Variants in FHIT observed in about 807,000 individuals in gnomAD.
FHIT encodes the protein fragile histidine triad diadenosine triphosphatase.
FHIT carries 19 observed loss-of-function variants against 17.9 expected under a neutral mutation model. The observed-to-expected ratio is 1.06, with a 90% confidence interval of 0.74 to 1.56. The LOEUF is 1.56. Ranked by LOEUF, FHIT falls within the 40% of genes most tolerant of loss-of-function variation. The pLI, the probability that FHIT is intolerant of heterozygous loss-of-function variation, is 0.00. For missense variants in FHIT, 248 were observed against 189.2 expected, an observed-to-expected ratio of 1.31 and a Z score of -1.82; for synonymous variants, 81 against 69.7, an observed-to-expected ratio of 1.16 and a Z score of -0.81.
intron 5 of FHIT, among the ~76,000 whole-genome samples, chr3:60,161,573 G>T (rs1399731248): frequency 6.6e-6 from 1 of 152,094 alleles, no homozygotes; most frequent in African/African-American, 2.4e-5. Flanking sequence ...CCTCCTGGAA[G>T]AAAAACAAAG....
chr3:59,788,881 G>GTTTGTTTTTTTTTTTTTTT (rs1699424566), intron 8 of FHIT, among the ~76,000 whole-genome samples: 1 of 86,804 alleles, frequency 1.2e-5, no homozygotes, highest in African/African-American at 4.6e-5. Flanking sequence ...GAGTTCATAT[G>GTTTGTTTTTTTTTTTTTTT]TTTTTTTTTT....
intron 5 of FHIT, among the ~76,000 whole-genome samples, chr3:60,316,409 TTAGGA>T (rs1709167883): frequency 6.6e-6 from 1 of 152,148 alleles, no homozygotes; most frequent in Non-Finnish European, 1.5e-5. Context: ...AGTAATAAAC[TTAGGA>T]TAGGTTGAAA....
chr3:61,135,074 A>T (rs2036873478), intron 2 of FHIT, among the ~76,000 whole-genome samples: 1 of 152,230 alleles, frequency 6.6e-6, no homozygotes, highest in Non-Finnish European at 1.5e-5. Flanking sequence ...TGCTGAAATC[A>T]GAGATAATTT....
Position 60,317,644 on chromosome 3 carries a change from T to C in FHIT, c.103+219216A>G, listed in dbSNP as rs565506112. Among the ~76,000 whole-genome samples the C allele has an allele frequency of 1.4e-3, 210 of 147,496 alleles. 2 individuals carry two copies. The highest frequency in any genetic ancestry group is 5.2e-3 in the African/African-American group (207 of 40,190). On this transcript the variant is annotated intron_variant, in intron 5 of 9. Transcript: ENST00000492590. ...GTGTGTGTGTGTGTGTGTATATATA[T>C]ATATATATAATATTTTCCCCATTAA...
At chr3:60,006,336 C>T (rs1054505347) in intron 7 of FHIT, among the ~76,000 whole-genome samples, 7 of 152,082 alleles carry the variant, frequency 4.6e-5, no homozygotes, top group Admixed American at 6.6e-5. Context: ...TCATTCGTAG[C>T]GAGAGAATTC....
At chr3:60,916,787 A>G (rs1707028119) in intron 3 of FHIT, among the ~76,000 whole-genome samples, 1 of 152,226 alleles carries the variant, frequency 6.6e-6, no homozygotes, top group Non-Finnish European at 1.5e-5. Flanking sequence ...AGTTTCAATT[A>G]GTCATTTTCT....
intron 3 of FHIT, among the ~76,000 whole-genome samples, chr3:60,938,626 T>C (rs1708289060): frequency 6.6e-6 from 1 of 152,164 alleles, no homozygotes; most frequent in Non-Finnish European, 1.5e-5. Context: ...GAGGAGTTCA[T>C]CTGATGAACT....
At position 60,792,347 on chromosome 3, in the gene FHIT, TAC is replaced by T. The variant is rs34647274; in HGVS notation, c.-18+29570_-18+29571del. On this transcript the variant is annotated intron_variant, in intron 4 of 9. Transcript: ENST00000492590. ...AAATATCCATGTATATAGTTGTGTATACACACACACACACACTTACACAGAGA... is the reference window on the plus strand; with the variant it reads ...AAATATCCATGTATATAGTTGTGTATACACACACACACACTTACACAGAGA... Among the ~76,000 whole-genome samples the T allele has an allele frequency of 6.7e-3, 1,011 of 151,596 alleles. 15 individuals carry two copies. Among genetic ancestry groups the T allele is most frequent in the African/African-American group, 0.023 (935 of 41,358 alleles).
At chr3:60,605,041 G>A (rs1014503872) in intron 4 of FHIT, among the ~76,000 whole-genome samples, 2 of 152,066 alleles carry the variant, frequency 1.3e-5, no homozygotes, top group South Asian at 4.2e-4. Context: ...TTAAAATTAG[G>A]ATTTCTATGC....
At chr3:60,570,737 TAAAAAAAA>T (rs10637926) in intron 4 of FHIT, among the ~76,000 whole-genome samples, 1 of 132,526 alleles carries the variant, frequency 7.5e-6, no homozygotes, top group African/African-American at 2.8e-5. Context: ...ATTAAAAAAT[TAAAAAAAA>T]AAAAAAAAAA....
chr3:60,076,444 G>A (rs1031347942), intron 5 of FHIT, among the ~76,000 whole-genome samples: 8 of 151,756 alleles, frequency 5.3e-5, no homozygotes, highest in Admixed American at 2.0e-4. Flanking sequence ...TATGTTCCTC[G>A]TGCAAGAAAG....
chr3:60,779,497 A>T (rs1237714860), intron 4 of FHIT, among the ~76,000 whole-genome samples: 2 of 152,202 alleles, frequency 1.3e-5, no homozygotes, highest in African/African-American at 4.8e-5. Flanking sequence ...TGGGAAAGTA[A>T]GACCAAGTGA....
intron 3 of FHIT, among the ~76,000 whole-genome samples, chr3:60,926,797 T>C (rs1270844252): frequency 6.6e-6 from 1 of 152,086 alleles, no homozygotes; most frequent in African/African-American, 2.4e-5. Flanking sequence ...ACAAAATTGA[T>C]AGACTGCTAG....
chr3:61,201,605 C>T (rs907587993), intron 1 of FHIT, among the ~76,000 whole-genome samples: 3 of 152,088 alleles, frequency 2.0e-5, no homozygotes, highest in African/African-American at 7.2e-5. Flanking sequence ...CCACATCCCT[C>T]TATTCCATCA....
At chr3:61,190,011 G>T (rs1247842075) in intron 2 of FHIT, among the ~76,000 whole-genome samples, 2 of 152,034 alleles carry the variant, frequency 1.3e-5, no homozygotes, top group African/African-American at 2.4e-5. Context: ...TACCATTCAG[G>T]ACATAGGCAT....
chr3:60,933,824 A>T (rs1575715493), intron 3 of FHIT, among the ~76,000 whole-genome samples: 1 of 152,216 alleles, frequency 6.6e-6, no homozygotes, highest in African/African-American at 2.4e-5. Context: ...TTTTCTTTGG[A>T]TAGCTACCTA....
At chr3:61,220,911 A>G (rs1353127752) in intron 1 of FHIT, among the ~76,000 whole-genome samples, 3 of 152,290 alleles carry the variant, frequency 2.0e-5, no homozygotes, top group African/African-American at 4.8e-5. Context: ...TACACACAAC[A>G]CGACATGCCC....
intron 5 of FHIT, among the ~76,000 whole-genome samples, chr3:60,066,517 C>G (rs963738287): frequency 6.6e-6 from 1 of 152,042 alleles, no homozygotes; most frequent in African/African-American, 2.4e-5. Flanking sequence ...TGTTCTGGCC[C>G]TAATGACCTC....
intron 5 of FHIT, among the ~76,000 whole-genome samples, chr3:60,514,209 C>T (rs1180052402): frequency 6.6e-6 from 1 of 152,228 alleles, no homozygotes; most frequent in Admixed American, 6.5e-5. Flanking sequence ...GGCTGTCACA[C>T]TGACTCTTCA....
Sources: allele counts gnomAD v4.1 joint callset (sites outside exome capture counted in the v4.1 genomes callset), GRCh38; gene constraint gnomAD v4.1.1; transcripts MANE v1.5; gene names NCBI Gene and HGNC (gene_info 2026-07-23, HGNC 2026-07-21).